Variants in SPECC1 observed in about 807,000 individuals in gnomAD.
SPECC1 encodes the protein sperm antigen with calponin homology and coiled-coil domains 1.
SPECC1 carries 62 observed loss-of-function variants against 104.1 expected under a neutral mutation model. The observed-to-expected ratio is 0.60, with a 90% confidence interval of 0.49 to 0.74. The LOEUF (loss-of-function observed/expected upper bound fraction) is 0.74, where lower values mean the gene tolerates loss of function less well. Among genes scored for constraint, SPECC1 ranks in the 30% least tolerant of loss-of-function variants. The pLI, the probability that SPECC1 is intolerant of heterozygous loss-of-function variation, is 0.00. For missense variants in SPECC1, 1,306 were observed against 1,310.5 expected (o/e 1.00, Z 0.05); for synonymous variants, 513 against 501.6 (o/e 1.02, Z -0.30).
Position 20,114,097 on chromosome 17 carries a change from T to C in SPECC1, c.283+3535T>C, listed in dbSNP as rs147744180. On this transcript the variant is annotated intron_variant, in intron 3 of 14. Transcript: ENST00000395527. ...ATTACAGCCACCAAAAAAGTATATA[T>C]AAAGAAAGTAAAAATAAAGGCATTT... is the stretch of plus-strand genomic sequence containing the variant. Among the ~76,000 whole-genome samples the C allele has an allele frequency of 7.9e-5, 12 of 152,300 alleles. No homozygotes were observed. The East Asian group carries it at 2.3e-3, about 29-fold the overall frequency.
chr17:20,287,090 C>T (rs1365453045), intron 12 of SPECC1, among the ~76,000 whole-genome samples: 1 of 152,220 alleles, frequency 6.6e-6, no homozygotes, highest in African/African-American at 2.4e-5. Context: ...CTCATAGCCT[C>T]TGTACGTGGT....
At chr17:20,148,832 G>T (rs1250631799) in intron 3 of SPECC1, among the ~76,000 whole-genome samples, 1 of 151,950 alleles carries the variant, frequency 6.6e-6, no homozygotes, top group Non-Finnish European at 1.5e-5. Context: ...CGATTCTCCT[G>T]CCTCAGGCTC....
chr17:20,251,326 T>G (rs2039628047), intron 9 of SPECC1, among the ~76,000 whole-genome samples: 1 of 150,618 alleles, frequency 6.6e-6, no homozygotes, highest in Admixed American at 6.6e-5. Flanking sequence ...CTTAGAAAAG[T>G]AGGAATAGAA....
chr17:20,306,153 C>CA (rs1271208177), intron 14 of SPECC1, 71 bp downstream of exon 14: 18 of 1,451,928 alleles, frequency 1.2e-5, no homozygotes, highest in Admixed American at 5.3e-5. Flanking sequence ...ATCTGATAAA[C>CA]AGTTTCTCGT....
chr17:20,283,860 A>G (rs1470731218), intron 12 of SPECC1, among the ~76,000 whole-genome samples: 1 of 152,146 alleles, frequency 6.6e-6, no homozygotes, highest in Non-Finnish European at 1.5e-5. Flanking sequence ...AAGTGCTAGG[A>G]TTATAGGCAT....
intron 1 of SPECC1, among the ~76,000 whole-genome samples, chr17:20,050,430 A>G (rs1381239676): frequency 1.3e-5 from 2 of 152,176 alleles, no homozygotes; most frequent in African/African-American, 2.4e-5. Flanking sequence ...TTGTCTATTC[A>G]TGTACCAATA....
chr17:20,174,146 GT>G (rs1448457273), intron 3 of SPECC1, among the ~76,000 whole-genome samples: 2 of 151,926 alleles, frequency 1.3e-5, no homozygotes, highest in Non-Finnish European at 2.9e-5. Flanking sequence ...GGTCAGGCTG[GT>G]TTTGAACTCC....
intron 3 of SPECC1, among the ~76,000 whole-genome samples, chr17:20,174,965 C>T (rs2034366862): frequency 6.6e-6 from 1 of 152,050 alleles, no homozygotes; most frequent in Non-Finnish European, 1.5e-5. Context: ...AAATCTTAAC[C>T]TCCTCTTTGC....
At chr17:20,247,811 G>T (rs767566093) in intron 9 of SPECC1, among the ~76,000 whole-genome samples, 1 of 152,120 alleles carries the variant, frequency 6.6e-6, no homozygotes, top group South Asian at 2.1e-4. Context: ...TTAAATAAGG[G>T]TATATCAAGA....
rs75334890 is a variant in SPECC1, at chr17:20,318,087, A to G, written c.*4022A>G. ...GGATTTCAAAGACCACAACAGCCAC[A>G]TTTCTTTCCATCTTCCCTCAGCCAG... On this transcript the variant is annotated 3_prime_UTR_variant, in exon 15 of 15. Transcript: ENST00000395527. 0.12 allele frequency: 26,854 copies of G among 230,950 alleles called. 1,602 individuals carry two copies. Among genetic ancestry groups the G allele is most frequent in the Admixed American group, 0.13 (2,300 of 17,712 alleles). The allele number at this position is 230,950 out of a possible 1,614,324, so 14.3% of individuals were successfully genotyped here. A position where few individuals can be genotyped will look rare whatever the true frequency, so the allele number is the denominator to read the frequency against.
chr17:20,248,047 T>A (rs867465950), intron 9 of SPECC1, among the ~76,000 whole-genome samples: 1 of 152,138 alleles, frequency 6.6e-6, no homozygotes, highest in Admixed American at 6.6e-5. Context: ...AGATCTAGGA[T>A]CAGCCTGGTG....
chr17:20,025,821 C>T (rs546903250), intron 1 of SPECC1, among the ~76,000 whole-genome samples: 174 of 152,254 alleles, frequency 1.1e-3, no homozygotes, highest in Non-Finnish European at 2.0e-3. Context: ...CTTTACATTC[C>T]CAACAGCAGC....
Position 20,066,911 on chromosome 17 carries a change from ATTTT to A in SPECC1, c.-21-29703_-21-29700del, listed in dbSNP as rs371289652. On this transcript the variant is annotated intron_variant, in intron 1 of 14. Coordinates refer to ENST00000395527, the MANE Select transcript of SPECC1 (RefSeq NM_001243439.2). ...CATACCACCACACCTGGCTAATCAAATTTTTTTTTTTTTTTTTTTTGGTAGAGAT... is the reference window on the plus strand; with the variant it reads ...CATACCACCACACCTGGCTAATCAAATTTTTTTTTTTTTTTTGGTAGAGAT... 5.8e-4 allele frequency among the ~76,000 whole-genome samples: 70 copies of A among 120,110 alleles called. 1 individual carries two copies. The highest frequency in any genetic ancestry group is 9.3e-3 in the Middle Eastern group (2 of 216). 78.8% of individuals were successfully genotyped at this position (120,110 alleles called of 152,430 possible). A position where few individuals can be genotyped will look rare whatever the true frequency, so the allele number is the denominator to read the frequency against.
chr17:20,074,747 A>G (rs1305700508), intron 1 of SPECC1, among the ~76,000 whole-genome samples: 1 of 152,078 alleles, frequency 6.6e-6, no homozygotes, highest in African/African-American at 2.4e-5. Flanking sequence ...TCCTTTACCA[A>G]GTGAGTTAAC....
chr17:20,289,268 T>A (rs953726742), intron 12 of SPECC1, among the ~76,000 whole-genome samples: 5 of 152,170 alleles, frequency 3.3e-5, no homozygotes, highest in Admixed American at 3.3e-4. Context: ...TTGAGAATTC[T>A]GGGAAATACA....
intron 4 of SPECC1, among the ~76,000 whole-genome samples, chr17:20,220,483 C>T (rs2037804322): frequency 6.6e-6 from 1 of 151,380 alleles, no homozygotes; most frequent in Non-Finnish European, 1.5e-5. Flanking sequence ...TCACTGTTGG[C>T]ATATAAAAAT....
intron 12 of SPECC1, among the ~76,000 whole-genome samples, chr17:20,286,429 G>A (rs1474783037): frequency 6.6e-6 from 1 of 152,196 alleles, no homozygotes; most frequent in Non-Finnish European, 1.5e-5. Context: ...GGGGTGGTCT[G>A]TGTTTCTTCT....
chr17:20,307,461 A>G (rs2041801448), intron 14 of SPECC1, among the ~76,000 whole-genome samples: 1 of 152,198 alleles, frequency 6.6e-6, no homozygotes, highest in Non-Finnish European at 1.5e-5. Context: ...AGAGAGAGCA[A>G]GTGCCTCCTA....
intron 2 of SPECC1, among the ~76,000 whole-genome samples, chr17:20,104,763 A>AG (rs1372512424): frequency 6.7e-6 from 1 of 149,154 alleles, no homozygotes; most frequent in Non-Finnish European, 1.5e-5. Flanking sequence ...AAAAAAAAAA[A>AG]AAAGAAAAAA....
Sources: allele counts gnomAD v4.1 joint callset (sites outside exome capture counted in the v4.1 genomes callset), GRCh38; gene constraint gnomAD v4.1.1; transcripts MANE v1.5; gene names NCBI Gene and HGNC (gene_info 2026-07-23, HGNC 2026-07-21).